Variants in NRDE2 observed in about 807,000 individuals in gnomAD.
NRDE2 encodes nuclear exosome regulator NRDE2.
NRDE2 carries 76 observed loss-of-function variants against 124.2 expected under a neutral mutation model. The ratio of observed to expected loss-of-function variants is 0.61; its 90% CI spans 0.51 to 0.74. The LOEUF is 0.74. NRDE2 is among the 30% of genes least tolerant of loss of function. NRDE2 has a pLI of 0.00. For synonymous variants in NRDE2, 489 were observed against 528.1 expected, an observed-to-expected ratio of 0.93 and a Z score of 1.01; for missense variants, 1,314 against 1,417.3, an observed-to-expected ratio of 0.93 and a Z score of 1.17.
At chr14:90,290,695 G>A (rs111821607) in intron 9 of NRDE2, 88 bp from the exon 10 acceptor site, 2 of 1,347,244 alleles carry the variant, frequency 1.5e-6, no homozygotes, top group South Asian at 1.5e-5. Context: ...TGTACTAATG[G>A]TTCAACATTA....
intron 10 of NRDE2, 139 bp downstream of exon 10, chr14:90,290,082 A>C: frequency 2.3e-6 from 2 of 863,674 alleles, no homozygotes; most frequent in Admixed American, 5.7e-5. Flanking sequence ...AAACACACAC[A>C]AGGTGCCTTC....
Position 90,290,401 on chromosome 14 carries a change from C to A in NRDE2, c.2049G>T (p.Leu683Phe), listed in dbSNP as rs755757376. 6.2e-7 allele frequency: 1 copy of A among 1,614,044 alleles called. No individual in the cohort carries two copies. The change falls in exon 10 of 14, where the codon TTG (leucine) becomes TTT (phenylalanine). Residue 683 changes from leucine to phenylalanine, a missense_variant. By Grantham distance (22) the Leu-to-Phe change is conservative. Coordinates refer to ENST00000354366, the MANE Select transcript of NRDE2 (RefSeq NM_017970.4). ...DEKPLTFFNPLFSGASCVGRM... is the reference protein window; with the variant it reads ...DEKPLTFFNPFFSGASCVGRM... ...GGCCAACACAGCTAGCCCCAGAAAA[C>A]AAAGGGTTGAAAAAAGTCAAGGGCT...
chr14:90,282,015 C>T (rs895168804), intron 12 of NRDE2, among the ~76,000 whole-genome samples: 1 of 152,214 alleles, frequency 6.6e-6, no homozygotes, highest in African/African-American at 2.4e-5. Context: ...TCTAATGATT[C>T]ACAATTCAGA....
At position 90,288,875 on chromosome 14, in the gene NRDE2, G is replaced by T; in HGVS notation, c.2500C>A (p.Leu834Met). The change falls in exon 11 of 14, where the codon CTG becomes ATG. Residue 834 changes from leucine (L) to methionine (M), a missense_variant. Leu to Met is a conservative substitution (Grantham distance 15). Coordinates refer to ENST00000354366, the MANE Select transcript of NRDE2 (RefSeq NM_017970.4). ...SLLYAELEVE[L>M]SPEVRRAATA... ...GCAGCCCTTCTCACTTCTGGCGACA[G>T]CTCCACCTCCAGCTCAGCATAGAGC... The T allele has an allele frequency of 1.2e-6, 2 of 1,614,168 alleles. No homozygotes were observed. Among genetic ancestry groups the T allele is most frequent in the Non-Finnish European group, 1.7e-6 (2 of 1,180,036 alleles).
At chr14:90,294,184 C>A (rs548645617) in intron 8 of NRDE2, among the ~76,000 whole-genome samples, 1 of 151,970 alleles carries the variant, frequency 6.6e-6, no homozygotes, top group South Asian at 2.1e-4. Flanking sequence ...GTTAAAAAAG[C>A]CAATCTCAAA....
At chr14:90,287,338 C>G (rs950508733) in intron 11 of NRDE2, among the ~76,000 whole-genome samples, 2 of 152,106 alleles carry the variant, frequency 1.3e-5, no homozygotes, top group Non-Finnish European at 2.9e-5. Flanking sequence ...CTGGATCAGG[C>G]CGGACACTGT....
At chr14:90,317,259 T>A (rs1397220273) in intron 2 of NRDE2, among the ~76,000 whole-genome samples, 1 of 148,580 alleles carries the variant, frequency 6.7e-6, no homozygotes, top group African/African-American at 2.6e-5. Context: ...ATTTTAAAAA[T>A]AATAATAATA....
At chr14:90,311,135 A>T (rs1470364489) in intron 4 of NRDE2, among the ~76,000 whole-genome samples, 1 of 152,190 alleles carries the variant, frequency 6.6e-6, no homozygotes, top group East Asian at 1.9e-4. Context: ...TTATTTCACA[A>T]AGTCATTAGT....
chr14:90,329,042 G>A (rs1240972676), intron 1 of NRDE2, among the ~76,000 whole-genome samples: 1 of 152,138 alleles, frequency 6.6e-6, no homozygotes, highest in African/African-American at 2.4e-5. Context: ...AAGAGATGAT[G>A]CTGTGTTTAT....
rs571215471 is a variant in NRDE2 at position 90,283,476 on chromosome 14, C to T, written c.3297+2878G>A. On this transcript the variant is annotated intron_variant, in intron 12 of 13. Transcript: ENST00000354366. ...TGTAAAGATGGGTGGAATCTTTATG[C>T]TGGGAATATCAGGGAGCATCTGCTC... Among the ~76,000 whole-genome samples the T allele has an allele frequency of 6.6e-5, 10 of 152,190 alleles. 1 individual carries two copies. In the South Asian group the frequency reaches 2.1e-3, roughly 32 times the overall value.
Position 90,331,829 on chromosome 14 carries a change from T to A in NRDE2, c.64+12A>T. The A allele has an allele frequency of 6.2e-7, 1 of 1,613,978 alleles. No individual in the cohort carries two copies. The highest frequency in any genetic ancestry group is 8.5e-7 in the Non-Finnish European group (1 of 1,179,986). On this transcript the variant is annotated intron_variant, in intron 1 of 13. Coordinates refer to ENST00000354366, the MANE Select transcript of NRDE2 (RefSeq NM_017970.4). ...CCCCCAGGTGCCTTCTTCGGCTCGT[T>A]TGTGTGCTTACCTTTCCTGGAGCTC...
At chr14:90,282,093 C>T (rs1173694281) in intron 12 of NRDE2, among the ~76,000 whole-genome samples, 7 of 152,204 alleles carry the variant, frequency 4.6e-5, no homozygotes, top group African/African-American at 1.7e-4. Flanking sequence ...GGCTTATATA[C>T]TCATAGTTCC....
rs1891578910 is a variant in NRDE2, at chr14:90,268,586, G to C, written c.*9750C>G. The stretch of plus-strand genomic sequence containing the variant: ...CCAGGAGCCAGCTAACAACTGCCCA[G>C]TAACTGTGAACGTCTGGAGAGATTG... On this transcript the variant is annotated 3_prime_UTR_variant, in exon 14 of 14. Coordinates refer to ENST00000354366, the MANE Select transcript of NRDE2 (RefSeq NM_017970.4). The C allele has an allele frequency of 3.2e-6, 2 of 634,510 alleles. No homozygotes were observed. The highest frequency in any genetic ancestry group is 6.0e-5 in the Admixed American group (2 of 33,166). 39.3% of individuals were successfully genotyped at this position (634,510 alleles called of 1,614,324 possible). A position where few individuals can be genotyped will look rare whatever the true frequency, so the allele number is the denominator to read the frequency against.
In NRDE2 at chr14:90,316,715, C is replaced by T. The variant is rs764965872; in HGVS notation, c.270G>A (p.Arg90=). Residue 90 remains arginine (R), a synonymous_variant, in exon 3 of 14, where the codon AGG becomes AGA. Transcript: ENST00000354366. ...RKKKKEKKKK[R]KHQHHKKTKR... ...TTGTTTTCTTATGATGCTGATGCTT[C>T]CTTTTTTTCTTTTTCTCTTTCTTCT... 6.2e-7 allele frequency: 1 copy of T among 1,613,730 alleles called. No individual in the cohort carries two copies.
At chr14:90,286,548 G>A in intron 11 of NRDE2, 56 bp from the exon 12 acceptor site, 1 of 1,579,802 alleles carries the variant, frequency 6.3e-7, no homozygotes, top group Non-Finnish European at 8.6e-7. Flanking sequence ...CTACATCACA[G>A]AAGGAAGAGA....
chr14:90,290,631 G>A lies in NRDE2; in HGVS notation c.1843-24C>T, dbSNP rs781395181. 33 of 1,575,738 alleles carry A rather than the reference G, an allele frequency of 2.1e-5. 1 individual carries two copies. Among genetic ancestry groups the A allele is most frequent in the South Asian group, 1.7e-4 (15 of 85,796 alleles). On this transcript the variant is annotated intron_variant, in intron 9 of 13. Coordinates refer to ENST00000354366, the MANE Select transcript of NRDE2 (RefSeq NM_017970.4). ...ACCTGCAACAAAGACAAAATAAAGC[G>A]ACCCATGTAACAAAACAAAACCCGC...
chr14:90,315,448 G>A (rs1885011135), intron 3 of NRDE2, among the ~76,000 whole-genome samples: 1 of 152,118 alleles, frequency 6.6e-6, no homozygotes, highest in African/African-American at 2.4e-5. Flanking sequence ...GTTCTAGACA[G>A]GTACCTAAGT....
rs1203349819 is a variant in NRDE2 at position 90,278,641 on chromosome 14, A to G, written c.3370-180T>C. 5 of 678,640 alleles carry G rather than the reference A, an allele frequency of 7.4e-6. No homozygotes were observed. The South Asian group carries it at 8.0e-5, about 11-fold the overall frequency. 42.0% of individuals were successfully genotyped at this position (678,640 alleles called of 1,614,324 possible). ...AGCACTGGGCATGTTCAGGAAGGACACTGAACTCGCAAAAGTGAGCAAACG... is the reference window on the plus strand; with the variant it reads ...AGCACTGGGCATGTTCAGGAAGGACGCTGAACTCGCAAAAGTGAGCAAACG... On this transcript the variant is annotated intron_variant, in intron 13 of 13. Transcript: ENST00000354366.
chr14:90,301,527 C>T (rs1444526413), intron 6 of NRDE2, among the ~76,000 whole-genome samples, 155 bp from the exon 7 acceptor site: 2 of 152,172 alleles, frequency 1.3e-5, no homozygotes, highest in Non-Finnish European at 2.9e-5. Context: ...TGATTTAAAG[C>T]GTCTCACACA....
Sources: allele counts gnomAD v4.1 joint callset (sites outside exome capture counted in the v4.1 genomes callset), GRCh38; gene constraint gnomAD v4.1.1; transcripts MANE v1.5; gene names NCBI Gene and HGNC (gene_info 2026-07-23, HGNC 2026-07-21).